MYO1D: variants seen among roughly 807,000 people sequenced by gnomAD.
MYO1D encodes the protein unconventional myosin-Id.
A neutral mutation model predicts 122.0 loss-of-function variants in MYO1D; 83 were observed. The ratio of observed to expected loss-of-function variants is 0.68; its 90% CI spans 0.57 to 0.82. The LOEUF is 0.82. Among genes scored for constraint, MYO1D ranks in the 40% least tolerant of loss-of-function variants. The probability of loss-of-function intolerance (pLI) is 0.00; values close to 1 mark genes in which losing one functional copy is unlikely to be tolerated. For synonymous variants in MYO1D, 464 were observed against 446.9 expected (o/e 1.04, Z -0.48); for missense variants, 1,157 against 1,269.5 (o/e 0.91, Z 1.35).
intron 3 of MYO1D, 109 bp from the exon 4 acceptor site, chr17:32,776,138 T>C: frequency 1.1e-6 from 1 of 897,410 alleles, no homozygotes; most frequent in Non-Finnish European, 1.7e-6. Flanking sequence ...AGATGCTAAC[T>C]CCAGCACTGT....
At chr17:32,860,621 G>A (rs2091063126) in intron 1 of MYO1D, among the ~76,000 whole-genome samples, 1 of 152,182 alleles carries the variant, frequency 6.6e-6, no homozygotes, top group African/African-American at 2.4e-5. Context: ...GGTCTTTTAA[G>A]TGAGAATAAT....
intron 20 of MYO1D, among the ~76,000 whole-genome samples, chr17:32,606,105 A>G (rs2087625117): frequency 6.6e-6 from 1 of 152,188 alleles, no homozygotes; most frequent in Non-Finnish European, 1.5e-5. Flanking sequence ...CTCCATCTCA[A>G]CAACAACAAC....
intron 2 of MYO1D, among the ~76,000 whole-genome samples, 160 bp from the exon 3 acceptor site, chr17:32,778,733 C>T (rs1204957951): frequency 6.6e-6 from 1 of 152,058 alleles, no homozygotes; most frequent in Non-Finnish European, 1.5e-5. Context: ...TTCGTCCTGC[C>T]TTGATATGGT....
chr17:32,813,745 A>T (rs1361303618), intron 1 of MYO1D, among the ~76,000 whole-genome samples: 1 of 152,220 alleles, frequency 6.6e-6, no homozygotes, highest in African/African-American at 2.4e-5. Flanking sequence ...TGGAAGTCTT[A>T]AGACTGGAGC....
intron 1 of MYO1D, among the ~76,000 whole-genome samples, chr17:32,794,964 G>A (rs2090397962): frequency 1.3e-5 from 2 of 152,148 alleles, no homozygotes; most frequent in African/African-American, 4.8e-5. Context: ...GAGCAGTAGA[G>A]AGACAGAGAA....
intron 4 of MYO1D, among the ~76,000 whole-genome samples, chr17:32,773,476 TGGTGGCAAGCACCACTTTCCTG>T (rs141810862): frequency 0.026 from 3,986 of 151,950 alleles, 126 homozygotes; most frequent in East Asian, 0.18. Flanking sequence ...TCCTTCACCT[TGGTGGCAAGCACCACTTTCCTG>T]GGTGGCAAGT....
chr17:32,813,753 A>G lies in MYO1D; in HGVS notation c.96-32969T>C, dbSNP rs1300646905. Among the ~76,000 whole-genome samples the G allele has an allele frequency of 2.6e-5, 4 of 152,180 alleles. No individual in the cohort carries two copies. In the East Asian group the frequency reaches 7.7e-4, roughly 29 times the overall value. On this transcript the variant is annotated intron_variant, in intron 1 of 21. Coordinates refer to ENST00000318217, the MANE Select transcript of MYO1D (RefSeq NM_015194.3). ...TACAGCATGGAAGTCTTAAGACTGG[A>G]GCTATGGAGACCAGTTAAGAGACAG...
intron 14 of MYO1D, among the ~76,000 whole-genome samples, chr17:32,733,284 A>G (rs2089661714): frequency 6.6e-6 from 1 of 152,224 alleles, no homozygotes; most frequent in Admixed American, 6.5e-5. Flanking sequence ...CTGTGACAGT[A>G]TGAAGATAGT....
chr17:32,537,481 G>A (rs1910697735), intron 21 of MYO1D, among the ~76,000 whole-genome samples: 1 of 152,196 alleles, frequency 6.6e-6, no homozygotes, highest in South Asian at 2.1e-4. Flanking sequence ...CTGACTCCAG[G>A]TTTAGATGAT....
At chr17:32,758,213 G>T (rs2089967614) in intron 10 of MYO1D, among the ~76,000 whole-genome samples, 1 of 152,068 alleles carries the variant, frequency 6.6e-6, no homozygotes, top group Admixed American at 6.6e-5. Context: ...CATAACAAAT[G>T]ACTCATTCTC....
intron 21 of MYO1D, among the ~76,000 whole-genome samples, chr17:32,574,415 TTC>T (rs1476309565): frequency 2.0e-5 from 3 of 152,112 alleles, no homozygotes; most frequent in East Asian, 1.9e-4. Context: ...AGTAAAGAAA[TTC>T]TGTTTTCTTT....
At position 32,876,789 on chromosome 17, in the gene MYO1D, G is replaced by A; in HGVS notation, c.84C>T (p.Asn28=). ...CGCTCCGCCCTCACCTGAGCCTGAG[G>A]TTGGCCATGAACTCGGGCATGGAGA... ...DTVSMPEFMA[N]LRLRFEKGRI... is the part of the protein sequence containing the mutation. The change falls in exon 1 of 22, where the codon AAC becomes AAT. Residue 28 remains asparagine (N), a synonymous_variant. Transcript: ENST00000318217. 6.6e-7 allele frequency: 1 copy of A among 1,514,744 alleles called. No homozygotes were observed. Among genetic ancestry groups the A allele is most frequent in the Non-Finnish European group, 8.8e-7 (1 of 1,131,498 alleles). 93.8% of individuals were successfully genotyped at this position (1,514,744 alleles called of 1,614,324 possible).
intron 1 of MYO1D, among the ~76,000 whole-genome samples, chr17:32,841,368 A>C (rs1475210579): frequency 6.6e-6 from 1 of 151,890 alleles, no homozygotes; most frequent in East Asian, 1.9e-4. Context: ...CAGGAAGCTG[A>C]GGTGAGAGAA....
intron 16 of MYO1D, among the ~76,000 whole-genome samples, chr17:32,690,788 T>G (rs1214086097): frequency 6.6e-6 from 1 of 152,178 alleles, no homozygotes; most frequent in Non-Finnish European, 1.5e-5. Flanking sequence ...GCACCATGCT[T>G]CCTATACAGC....
chr17:32,712,571 A>T (rs2089392410), intron 15 of MYO1D, among the ~76,000 whole-genome samples: 1 of 152,200 alleles, frequency 6.6e-6, no homozygotes, highest in Admixed American at 6.5e-5. Flanking sequence ...ACATAGTGAG[A>T]CCAAGACATA....
At chr17:32,557,932 A>G (rs1340194988) in intron 21 of MYO1D, among the ~76,000 whole-genome samples, 1 of 151,956 alleles carries the variant, frequency 6.6e-6, no homozygotes, top group East Asian at 2.0e-4. Context: ...GAAACTGTGG[A>G]CGTAAATGAA....
intron 21 of MYO1D, among the ~76,000 whole-genome samples, chr17:32,538,638 T>C (rs1325614535): frequency 1.3e-5 from 2 of 151,986 alleles, no homozygotes; most frequent in African/African-American, 2.4e-5. Context: ...CAATAGATGA[T>C]GTCCACATGT....
At chr17:32,798,929 T>C (rs935642471) in intron 1 of MYO1D, among the ~76,000 whole-genome samples, 2 of 152,254 alleles carry the variant, frequency 1.3e-5, no homozygotes, top group African/African-American at 4.8e-5. Context: ...AAAAGGTTTT[T>C]AGTAAGTAAG....
intron 1 of MYO1D, among the ~76,000 whole-genome samples, chr17:32,872,890 G>T (rs1469737405): frequency 1.3e-5 from 2 of 151,246 alleles, no homozygotes; most frequent in Non-Finnish European, 2.9e-5. Context: ...TAGAGACAGG[G>T]TTTCACCTTG....
Sources: gnomAD v4.1 joint callset for allele counts (sites outside exome capture counted in the v4.1 genomes callset) on GRCh38, gnomAD v4.1.1 for gene constraint, MANE v1.5 for transcripts, NCBI Gene and HGNC (gene_info 2026-07-23, HGNC 2026-07-21) for gene names.